The following SACS variants were observed in gnomAD, a reference collection of about 807,000 sequenced individuals.
SACS encodes sacsin molecular chaperone.
In SACS, 197 loss-of-function variants were observed where a neutral mutation model predicts 348.0. That is an observed-to-expected ratio of 0.57 (90% CI 0.50 to 0.64). The LOEUF (loss-of-function observed/expected upper bound fraction) is 0.64, where lower values mean the gene tolerates loss of function less well. Ranked by LOEUF, SACS falls within the 30% of genes least tolerant of loss-of-function variation. SACS has a pLI of 0.00. For synonymous variants in SACS, 1,985 were observed against 1,910.6 expected, an observed-to-expected ratio of 1.04 and a Z score of -1.02; for missense variants, 4,999 against 5,360.8, an observed-to-expected ratio of 0.93 and a Z score of 2.11.
intron 9 of SACS, among the ~76,000 whole-genome samples, chr13:23,342,998 CTTAT>C (rs1869364679): frequency 6.6e-6 from 1 of 152,118 alleles, no homozygotes; most frequent in Admixed American, 6.5e-5. Flanking sequence ...TATCTAGCTA[CTTAT>C]TATTAAAGTG....
In SACS at chr13:23,339,202, A is replaced by C. The variant is rs781676575; in HGVS notation, c.4674T>G (p.Leu1558=). ...TGATATGGTACACAGAATTAAATCCAAGACCAAATTTTCCAACTTTGTCAA... is the reference window on the plus strand; with the variant it reads ...TGATATGGTACACAGAATTAAATCCCAGACCAAATTTTCCAACTTTGTCAA... ...GEVDKVGKFG[L]GFNSVYHITD... Residue 1558 remains leucine (L), a synonymous_variant, in exon 10 of 10, where the codon CTT becomes CTG. Transcript: ENST00000382292. 3.7e-6 allele frequency: 6 copies of C among 1,612,022 alleles called. No individual in the cohort carries two copies. Among genetic ancestry groups the C allele is most frequent in the Non-Finnish European group, 5.1e-6 (6 of 1,179,124 alleles).
At chr13:23,391,337 CT>C (rs1434318733) in intron 2 of SACS, among the ~76,000 whole-genome samples, 3 of 152,210 alleles carry the variant, frequency 2.0e-5, no homozygotes, top group African/African-American at 7.2e-5. Flanking sequence ...CCCTTTGCCC[CT>C]GAGGCTCTGC....
chr13:23,408,174 C>A (rs1392425030), intron 2 of SACS, among the ~76,000 whole-genome samples: 2 of 151,996 alleles, frequency 1.3e-5, no homozygotes, highest in African/African-American at 4.8e-5. Flanking sequence ...GAAGCCCCCG[C>A]CCCCCAACAT....
At chr13:23,413,564 T>C (rs748910038) in intron 1 of SACS, among the ~76,000 whole-genome samples, 1 of 152,054 alleles carries the variant, frequency 6.6e-6, no homozygotes, top group Non-Finnish European at 1.5e-5. Flanking sequence ...AATGTTTCAT[T>C]GTGGGGAAAA....
intron 2 of SACS, among the ~76,000 whole-genome samples, chr13:23,382,789 G>GTT (rs1223426679): frequency 6.9e-6 from 1 of 143,938 alleles, no homozygotes; most frequent in African/African-American, 2.7e-5. Flanking sequence ...TGTGGTTTTT[G>GTT]TTTTTTTTTT....
chr13:23,387,447 G>A (rs180898268), intron 2 of SACS, among the ~76,000 whole-genome samples: 4 of 126,806 alleles, frequency 3.2e-5, no homozygotes, highest in Non-Finnish European at 4.8e-5. Flanking sequence ...GGGCGACAGA[G>A]CAAGACTCCG....
chr13:23,388,529 A>G (rs1283658217), intron 2 of SACS, among the ~76,000 whole-genome samples: 2 of 148,624 alleles, frequency 1.3e-5, no homozygotes, highest in African/African-American at 4.9e-5. Flanking sequence ...ACCACAGGCT[A>G]CTACTCAGCC....
At chr13:23,414,060 G>T (rs9510727) in intron 1 of SACS, among the ~76,000 whole-genome samples, 79,886 of 152,050 alleles carry the variant, frequency 0.53, 21,266 homozygotes, top group East Asian at 0.78. Context: ...ATCCCAGCAC[G>T]TTGGGAGGCC....
rs1883482363 is a variant in SACS, at chr13:23,331,609, T to C, written c.12267A>G (p.Gln4089=). 2 of 1,613,970 alleles carry C rather than the reference T, an allele frequency of 1.2e-6. No individual in the cohort carries two copies. Among genetic ancestry groups the C allele is most frequent in the Non-Finnish European group, 1.7e-6 (2 of 1,179,912 alleles). Residue 4089 remains glutamine, a synonymous_variant, in exon 10 of 10, where the codon CAA becomes CAG. Coordinates refer to ENST00000382292, the MANE Select transcript of SACS (RefSeq NM_014363.6). ...FGNAVILLYI[Q]HSDSKDINFL... ...AATTAATGTCTTTACTGTCTGAATG[T>C]TGAATGTAGAGCAAGATGACTGCAT...
At chr13:23,342,768 T>C (rs191090250) in intron 9 of SACS, among the ~76,000 whole-genome samples, 1 of 152,336 alleles carries the variant, frequency 6.6e-6, no homozygotes, top group East Asian at 1.9e-4. Flanking sequence ...GGAGTCTCAG[T>C]TGCAGCTGAC....
At chr13:23,344,022 A>C (rs1204116692) in intron 9 of SACS, among the ~76,000 whole-genome samples, 1 of 152,206 alleles carries the variant, frequency 6.6e-6, no homozygotes, top group African/African-American at 2.4e-5. Context: ...AGAAATTACA[A>C]AATTTTGTCA....
intron 5 of SACS, among the ~76,000 whole-genome samples, chr13:23,366,607 G>A (rs1871077937): frequency 6.6e-6 from 1 of 152,174 alleles, no homozygotes; most frequent in Non-Finnish European, 1.5e-5. Context: ...CACTTTAGAT[G>A]TTCGACCTTG....
At chr13:23,410,065 G>A (rs571848133) in intron 2 of SACS, among the ~76,000 whole-genome samples, 1 of 151,718 alleles carries the variant, frequency 6.6e-6, no homozygotes, top group African/African-American at 2.4e-5. Context: ...AAAAAAGTCT[G>A]GTTCCAAAAC....
chr13:23,360,369 T>A (rs549026644), intron 6 of SACS, among the ~76,000 whole-genome samples: 2 of 145,722 alleles, frequency 1.4e-5, no homozygotes, highest in South Asian at 4.4e-4. Flanking sequence ...CAAATGTCCA[T>A]TAAAAGTATC....
rs1246228174 is a variant in SACS at position 23,353,836 on chromosome 13, T to A, written c.2134A>T (p.Asn712Tyr). Residue 712 changes from asparagine to tyrosine, a missense_variant, in exon 9 of 10, where the codon AAC (asparagine) becomes TAC (tyrosine). Physicochemically the swap from Asn to Tyr is moderately radical, Grantham distance 143. Coordinates refer to ENST00000382292, the MANE Select transcript of SACS (RefSeq NM_014363.6). ...PSLEGRFILDNLKPHLVAALK... is the reference protein window; with the variant it reads ...PSLEGRFILDYLKPHLVAALK... ...GCAGCCACAAGGTGAGGTTTCAAGT[T>A]ATCCAAAATAAATCTTCCTTCAAGA... 1 of 1,611,394 alleles carries A rather than the reference T, an allele frequency of 6.2e-7. No homozygotes were observed. The highest frequency in any genetic ancestry group is 2.2e-5 in the East Asian group (1 of 44,828).
rs1566068932 is a variant in SACS at position 23,339,356 on chromosome 13, T to C, written c.4520A>G (p.Glu1507Gly). ...IDMRRNMDIR[E>G]NLLDPGMAAC... The stretch of plus-strand genomic sequence containing the variant: ...TGCCATCCCTGGGTCTAGGAGATTC[T>C]CTCTTATGTCCATATTTCTTCTCAT... Residue 1507 changes from glutamate to glycine, a missense_variant, in exon 10 of 10, where the codon GAG becomes GGG. By Grantham distance (98) the Glu-to-Gly change is moderately conservative. This residue lies in a region of SACS where 3,156 missense variants were observed against 3,380.1 expected (regional missense o/e 0.93). Transcript: ENST00000382292. 1 of 1,613,334 alleles carries C rather than the reference T, an allele frequency of 6.2e-7. No homozygotes were observed. Among genetic ancestry groups the C allele is most frequent in the East Asian group, 2.2e-5 (1 of 44,864 alleles).
chr13:23,371,212 A>T, intron 3 of SACS, 47 bp from the exon 4 acceptor site: 6 of 1,157,850 alleles, frequency 5.2e-6, no homozygotes, highest in South Asian at 1.6e-5. Flanking sequence ...ACAGTCTCTA[A>T]TACTGTAAAT....
In SACS at chr13:23,408,331, C is replaced by G. The variant is rs1873323359; in HGVS notation, c.20+2889G>C. Among the ~76,000 whole-genome samples the G allele has an allele frequency of 3.3e-5, 5 of 152,130 alleles. No homozygotes were observed. In the South Asian group the frequency reaches 1.0e-3, roughly 32 times the overall value. ...CCACCTCTGGAATCTGCCTTTTGCA[C>G]TAACATATTCTGAGGCTCCAACATC... On this transcript the variant is annotated intron_variant, in intron 2 of 9. Coordinates refer to ENST00000382292, the MANE Select transcript of SACS (RefSeq NM_014363.6).
intron 2 of SACS, among the ~76,000 whole-genome samples, chr13:23,383,923 C>A (rs1440269897): frequency 2.0e-5 from 3 of 152,130 alleles, no homozygotes; most frequent in Non-Finnish European, 2.9e-5. Flanking sequence ...GGCACAGAAC[C>A]CAGCAAATGT....
Sources: allele counts gnomAD v4.1 joint callset (sites outside exome capture counted in the v4.1 genomes callset), GRCh38; gene constraint gnomAD v4.1.1; regional missense constraint gnomAD v4.1.1; transcripts MANE v1.5; gene names NCBI Gene and HGNC (gene_info 2026-07-23, HGNC 2026-07-21).